Variants in CYTH3 observed in about 807,000 individuals in gnomAD.
CYTH3 encodes the protein cytohesin 3.
A neutral mutation model predicts 55.1 loss-of-function variants in CYTH3; 23 were observed. The observed-to-expected ratio is 0.42, with a 90% CI of 0.30 to 0.59. CYTH3 has a LOEUF of 0.59. CYTH3 is among the 20% of genes least tolerant of loss of function. The pLI is 0.20. For missense variants in CYTH3, 413 were observed against 524.8 expected, an observed-to-expected ratio of 0.79 and a Z score of 2.08; for synonymous variants, 249 against 194.9, an observed-to-expected ratio of 1.28 and a Z score of -2.31.
chr7:6,192,856 T>A (rs1347801476), intron 1 of CYTH3, among the ~76,000 whole-genome samples: 1 of 151,604 alleles, frequency 6.6e-6, no homozygotes, highest in Non-Finnish European at 1.5e-5. Context: ...TTAAAAGACA[T>A]AACAACTCCG....
At chr7:6,253,383 A>T (rs1780020716) in intron 1 of CYTH3, among the ~76,000 whole-genome samples, 1 of 151,724 alleles carries the variant, frequency 6.6e-6, no homozygotes, top group South Asian at 2.1e-4. Context: ...ATTTTTTTGT[A>T]TTTTTAGTAG....
rs553494143 is a variant in CYTH3 at position 6,261,535 on chromosome 7, T to C, written c.34+10939A>G. On this transcript the variant is annotated intron_variant, in intron 1 of 12. Coordinates refer to ENST00000350796, the MANE Select transcript of CYTH3 (RefSeq NM_004227.4). ...TTCAAGACCAGTCTGGGAAACATAG[T>C]GGGACCCTGGCTCTACAAAAATAAA... Among the ~76,000 whole-genome samples the C allele has an allele frequency of 2.6e-5, 4 of 151,940 alleles. No individual in the cohort carries two copies. In the East Asian group the frequency reaches 7.7e-4, roughly 29 times the overall value.
rs1483430778 is a variant in CYTH3, at chr7:6,187,063, A to G, written c.236T>C (p.Met79Thr). 6.2e-7 allele frequency: 1 copy of G among 1,614,142 alleles called. No homozygotes were observed. Residue 79 changes from methionine (M) to threonine (T), a missense_variant, in exon 4 of 13, where the codon ATG becomes ACG. Physicochemically the swap from Met to Thr is moderately conservative, Grantham distance 81 (BLOSUM62 -1). Transcript: ENST00000350796. Reference sequence around the variant, plus strand: ...GCATTCTCTTACCTTTTTGGGATCCATGTTGAATTTCTTTCTTCCCATGGC... The same window carrying G: ...GCATTCTCTTACCTTTTTGGGATCCGTGTTGAATTTCTTTCTTCCCATGGC... ...QIAMGRKKFN[M>T]DPKKGIQFLI... is the part of the protein sequence containing the mutation.
At chr7:6,166,573 C>A (rs1033724728) in intron 9 of CYTH3, among the ~76,000 whole-genome samples, 2 of 152,198 alleles carry the variant, frequency 1.3e-5, no homozygotes, top group Non-Finnish European at 2.9e-5. Context: ...GGGGCCAGCA[C>A]GGGCGCTGAG....
chr7:6,270,903 A>G (rs186938542), intron 1 of CYTH3, among the ~76,000 whole-genome samples: 117 of 152,270 alleles, frequency 7.7e-4, no homozygotes, highest in African/African-American at 2.8e-3. Context: ...CTTCAAGTCT[A>G]CATTTCTTTA....
chr7:6,265,778 C>T (rs1310761670), intron 1 of CYTH3, among the ~76,000 whole-genome samples: 2 of 152,056 alleles, frequency 1.3e-5, no homozygotes, highest in African/African-American at 4.8e-5. Context: ...CAAAGGGAAT[C>T]GCCCTGGCTG....
At chr7:6,187,215 A>T in intron 3 of CYTH3, 99 bp from the exon 4 acceptor site, 1 of 1,324,196 alleles carries the variant, frequency 7.6e-7, no homozygotes, top group South Asian at 1.2e-5. Context: ...AACGGGCTCA[A>T]GGAAGCGAAG....
At chr7:6,202,212 C>T (rs961169287) in intron 1 of CYTH3, among the ~76,000 whole-genome samples, 2 of 152,162 alleles carry the variant, frequency 1.3e-5, no homozygotes, top group African/African-American at 4.8e-5. Context: ...TGCCCTGGGC[C>T]AGCAACCTTG....
chr7:6,170,566 G>T lies in CYTH3; in HGVS notation c.792C>A (p.Asn264Lys). 1 of 1,614,036 alleles carries T rather than the reference G, an allele frequency of 6.2e-7. No homozygotes were observed. The highest frequency in any genetic ancestry group is 8.5e-7 in the Non-Finnish European group (1 of 1,179,904). Residue 264 changes from asparagine to lysine, a missense_variant, in exon 9 of 13, where the codon AAC (asparagine) becomes AAA (lysine). Around this residue, in one of 4 missense-constraint regions of CYTH3, gnomAD observed 156 missense variants for 233.1 expected, o/e 0.67. Coordinates refer to ENST00000350796, the MANE Select transcript of CYTH3 (RefSeq NM_004227.4). This position sits in a 1 kb window ranked among gnomAD's most constrained non-coding sequence, Gnocchi z 7.8. ...DGNDLTHTFF[N>K]PDREGWLLKL... ...TCAGGAGCCAGCCCTCGCGGTCGGGGTTGAAGAAGGTGTGGGTCAGGTCGT... is the reference window on the plus strand; with the variant it reads ...TCAGGAGCCAGCCCTCGCGGTCGGGTTTGAAGAAGGTGTGGGTCAGGTCGT...
At chr7:6,180,251 G>T (rs1161720795) in intron 4 of CYTH3, among the ~76,000 whole-genome samples, 1 of 152,224 alleles carries the variant, frequency 6.6e-6, no homozygotes, top group Non-Finnish European at 1.5e-5. Context: ...CTGGGCATGA[G>T]GCTCCCATGC....
In CYTH3 at chr7:6,167,643, C is replaced by T. The variant is rs759567303; in HGVS notation, c.824-1833G>A. On this transcript the variant is annotated intron_variant, in intron 9 of 12. Coordinates refer to ENST00000350796, the MANE Select transcript of CYTH3 (RefSeq NM_004227.4). The surrounding 1 kb of genome is among the most constrained non-coding windows in gnomAD (Gnocchi z 5.5). ...TCAGCTTTAAACCCAACTCCTTGGG[C>T]GGCAGCAGGGGCTGCCCTTCCTGGC... 7.9e-5 allele frequency among the ~76,000 whole-genome samples: 12 copies of T among 152,252 alleles called. No homozygotes were observed. The highest frequency in any genetic ancestry group is 1.5e-4 in the Non-Finnish European group (10 of 68,046).
chr7:6,202,615 C>T (rs951063007), intron 1 of CYTH3, among the ~76,000 whole-genome samples: 3 of 152,102 alleles, frequency 2.0e-5, no homozygotes, highest in South Asian at 2.1e-4. Flanking sequence ...AGGCATGCGC[C>T]GCCACGCCCA....
At chr7:6,232,038 G>A (rs542650309) in intron 1 of CYTH3, among the ~76,000 whole-genome samples, 5 of 152,208 alleles carry the variant, frequency 3.3e-5, no homozygotes, top group Admixed American at 2.0e-4. Flanking sequence ...TGATCTCTCT[G>A]CACCCTCAAG....
intron 1 of CYTH3, among the ~76,000 whole-genome samples, chr7:6,262,294 T>C (rs536700353): frequency 2.0e-5 from 3 of 152,152 alleles, no homozygotes; most frequent in East Asian, 1.9e-4. Context: ...GAAGAGATAA[T>C]GAACAAGAAT....
At chr7:6,267,772 T>C (rs1361180654) in intron 1 of CYTH3, among the ~76,000 whole-genome samples, 1 of 152,206 alleles carries the variant, frequency 6.6e-6, no homozygotes, top group Non-Finnish European at 1.5e-5. Context: ...TCTACCCGCC[T>C]TGGCCTCCCA....
At chr7:6,203,522 G>A (rs980459120) in intron 1 of CYTH3, among the ~76,000 whole-genome samples, 3 of 152,138 alleles carry the variant, frequency 2.0e-5, no homozygotes, top group Admixed American at 6.5e-5. Flanking sequence ...AGAAAATTCT[G>A]CAAAACATTA....
intron 9 of CYTH3, among the ~76,000 whole-genome samples, chr7:6,166,818 G>A (rs1463329976): frequency 6.6e-6 from 1 of 152,154 alleles, no homozygotes; most frequent in African/African-American, 2.4e-5. Flanking sequence ...GCCTAAGGCA[G>A]CCTGCAATGC....
At chr7:6,168,706 T>G (rs1308550769) in intron 9 of CYTH3, among the ~76,000 whole-genome samples, 1 of 152,248 alleles carries the variant, frequency 6.6e-6, no homozygotes, top group Admixed American at 6.5e-5. Flanking sequence ...TTTCATGGCC[T>G]GTTTATCTGC....
At chr7:6,259,785 A>ATATATATATAT (rs1780268434) in intron 1 of CYTH3, among the ~76,000 whole-genome samples, 1 of 14,454 alleles carries the variant, frequency 6.9e-5, no homozygotes. Flanking sequence ...TATATATATA[A>ATATATATATAT]TATATATATA....
Sources: gnomAD v4.1 joint callset for allele counts (sites outside exome capture counted in the v4.1 genomes callset) on GRCh38, gnomAD v4.1.1 for gene constraint, gnomAD v4.1.1 regional missense constraint, Gnocchi (gnomAD v3.1) non-coding constraint, MANE v1.5 for transcripts, NCBI Gene and HGNC (gene_info 2026-07-23, HGNC 2026-07-21) for gene names.